SAMMSON: variants seen among roughly 807,000 people sequenced by gnomAD.
SAMMSON encodes survival associated mitochondrial melanoma specific oncogenic non-coding RNA.
intron 7 of SAMMSON, among the ~76,000 whole-genome samples, chr3:70,323,221 T>C (rs746951688): frequency 6.6e-6 from 1 of 152,130 alleles, no homozygotes; most frequent in Non-Finnish European, 1.5e-5. Flanking sequence ...TGTTTGAAGT[T>C]AAGGAAAATA....
At chr3:70,014,028 T>G (rs1052212340) in intron 3 of SAMMSON, 1 of 152,206 alleles carries the variant, frequency 6.6e-6, no homozygotes, top group African/African-American at 2.4e-5. Flanking sequence ...GTTTGAACAT[T>G]GTTACCAGGA....
chr3:70,279,367 T>A (rs1038741403), intron 6 of SAMMSON, among the ~76,000 whole-genome samples: 1 of 152,102 alleles, frequency 6.6e-6, no homozygotes, highest in African/African-American at 2.4e-5. Context: ...TCGATTCCAA[T>A]GGTCATTTGA....
chr3:70,135,654 C>T (rs975430752), intron 4 of SAMMSON, among the ~76,000 whole-genome samples: 1 of 152,012 alleles, frequency 6.6e-6, no homozygotes, highest in Admixed American at 6.6e-5. Context: ...CCAGAGACAC[C>T]CACGGTTAAT....
At chr3:70,268,969 A>G (rs1467028070) in intron 6 of SAMMSON, among the ~76,000 whole-genome samples, 2 of 152,166 alleles carry the variant, frequency 1.3e-5, no homozygotes, top group African/African-American at 2.4e-5. Context: ...GAACCAGGAA[A>G]AATCTTAACC....
intron 7 of SAMMSON, among the ~76,000 whole-genome samples, chr3:70,311,485 A>G (rs1702452914): frequency 6.6e-6 from 1 of 152,178 alleles, no homozygotes; most frequent in South Asian, 2.1e-4. Flanking sequence ...CTATTTGTAG[A>G]CATATTTTCC....
chr3:70,372,996 ATGT>A (rs1702984174), intron 9 of SAMMSON, among the ~76,000 whole-genome samples: 1 of 152,186 alleles, frequency 6.6e-6, no homozygotes, highest in African/African-American at 2.4e-5. Flanking sequence ...TCATTAAACA[ATGT>A]TGTAATTTTT....
chr3:70,103,793 T>A (rs568256884), intron 4 of SAMMSON, among the ~76,000 whole-genome samples: 24 of 152,302 alleles, frequency 1.6e-4, no homozygotes, highest in Non-Finnish European at 5.9e-5. Context: ...TCTTAGAAAT[T>A]AAGAGGTTGC....
intron 4 of SAMMSON, among the ~76,000 whole-genome samples, chr3:70,197,410 C>T (rs758451165): frequency 2.0e-5 from 3 of 152,100 alleles, no homozygotes; most frequent in Admixed American, 6.6e-5. Flanking sequence ...CCTATTGATT[C>T]GACATAATCT....
At chr3:70,132,127 A>G (rs749649453) in intron 4 of SAMMSON, among the ~76,000 whole-genome samples, 36 of 152,028 alleles carry the variant, frequency 2.4e-4, no homozygotes, top group Non-Finnish European at 1.5e-4. Flanking sequence ...TTTCTTCCCT[A>G]AGGGTTAAAC....
chr3:70,297,556 T>C (rs1169188343), intron 7 of SAMMSON, among the ~76,000 whole-genome samples: 1 of 152,134 alleles, frequency 6.6e-6, no homozygotes, highest in East Asian at 1.9e-4. Flanking sequence ...CTGGGTACCC[T>C]GTGGAGCAAT....
chr3:70,306,994 G>T (rs28584837), intron 7 of SAMMSON, among the ~76,000 whole-genome samples: 6,974 of 152,068 alleles, frequency 0.046, 237 homozygotes, highest in African/African-American at 0.083. Flanking sequence ...TATATATATA[G>T]AGAGAGAGAC....
intron 2 of SAMMSON, among the ~76,000 whole-genome samples, chr3:70,410,302 A>G (rs888934804): frequency 6.6e-6 from 1 of 152,228 alleles, no homozygotes; most frequent in South Asian, 2.1e-4. Context: ...TAGCTGCAGA[A>G]GTGAAGATGA....
intron 4 of SAMMSON, among the ~76,000 whole-genome samples, chr3:70,108,123 T>A (rs2067374167): frequency 6.6e-6 from 1 of 152,212 alleles, no homozygotes; most frequent in South Asian, 2.1e-4. Flanking sequence ...ATTTAACCAA[T>A]GCTGATTGTG....
chr3:70,022,558 C>T lies in SAMMSON; in HGVS notation n.417+8886C>T, dbSNP rs1043234949. Reference sequence around the variant, plus strand: ...CTTTCAGTTGGGAACATTTATGGAACTAATTTTATTTCGTATTGCAAAATC... The same window carrying T: ...CTTTCAGTTGGGAACATTTATGGAATTAATTTTATTTCGTATTGCAAAATC... On this transcript the variant is annotated intron_variant and non_coding_transcript_variant, in intron 3 of 9. Transcript: ENST00000642114. Among the ~76,000 whole-genome samples the T allele has an allele frequency of 8.6e-5, 13 of 151,226 alleles. No homozygotes were observed. The East Asian group carries it at 2.5e-3, about 29-fold the overall frequency.
chr3:70,076,288 C>T (rs1268592754), intron 4 of SAMMSON, among the ~76,000 whole-genome samples: 2 of 152,060 alleles, frequency 1.3e-5, no homozygotes, highest in African/African-American at 2.4e-5. Context: ...AGAATTCTTT[C>T]TGTCTTTATT....
chr3:70,106,453 A>T (rs1576123370), intron 4 of SAMMSON, among the ~76,000 whole-genome samples: 1 of 149,892 alleles, frequency 6.7e-6, no homozygotes, highest in Non-Finnish European at 1.5e-5. Context: ...CAATCCTCAC[A>T]CCCCAGCCTC....
chr3:70,126,815 A>G (rs1467185412), intron 4 of SAMMSON: 1 of 161,292 alleles, frequency 6.2e-6, no homozygotes, highest in African/African-American at 2.4e-5. Context: ...TCCTGGGTTC[A>G]AGCGATCCTC....
chr3:70,364,776 AC>A (rs151081179), intron 9 of SAMMSON, among the ~76,000 whole-genome samples: 57 of 151,548 alleles, frequency 3.8e-4, no homozygotes, highest in African/African-American at 1.2e-3. Context: ...TACATTCTAC[AC>A]CTTTTATGTT....
At chr3:70,052,907 C>G (rs1268864140) in intron 3 of SAMMSON, among the ~76,000 whole-genome samples, 1 of 152,100 alleles carries the variant, frequency 6.6e-6, no homozygotes, top group East Asian at 1.9e-4. Context: ...GTGGCAAGAA[C>G]GTGAATGATG....
Sources: gnomAD v4.1 joint callset for allele counts (sites outside exome capture counted in the v4.1 genomes callset) on GRCh38, gnomAD v4.1.1 for gene constraint, MANE v1.5 for transcripts, NCBI Gene and HGNC (gene_info 2026-07-23, HGNC 2026-07-21) for gene names.